Variants in PACC1 observed in about 807,000 individuals in gnomAD.
The protein encoded by PACC1 is proton activated chloride channel 1, also known as proton-activated chloride channel.
In PACC1, 34 loss-of-function variants were observed where a neutral mutation model predicts 39.7. The ratio of observed to expected loss-of-function variants is 0.86; its 90% CI spans 0.65 to 1.14. The LOEUF (loss-of-function observed/expected upper bound fraction) is 1.14, where lower values mean the gene tolerates loss of function less well. Ranked by LOEUF, PACC1 falls within the 50% of genes most tolerant of loss-of-function variation. The pLI is 0.00. For synonymous variants in PACC1, 127 were observed against 160.6 expected (o/e 0.79, Z 1.58); for missense variants, 379 against 436.4 (o/e 0.87, Z 1.17).
At chr1:212,396,907 G>GC (rs1208397462) in intron 2 of PACC1, among the ~76,000 whole-genome samples, 2 of 151,688 alleles carry the variant, frequency 1.3e-5, no homozygotes, top group Non-Finnish European at 2.9e-5. Context: ...AACAATGGAG[G>GC]CCAGAAGACA....
intron 7 of PACC1, among the ~76,000 whole-genome samples, chr1:212,374,505 A>G (rs1298921396): frequency 1.3e-5 from 2 of 152,214 alleles, no homozygotes; most frequent in African/African-American, 2.4e-5. Flanking sequence ...TAGAGCAATT[A>G]TAGTTAACAA....
At chr1:212,385,151 G>C in intron 4 of PACC1, 123 bp downstream of exon 4, 1 of 1,125,242 alleles carries the variant, frequency 8.9e-7, no homozygotes, top group Non-Finnish European at 1.3e-6. Context: ...TGTCTCCTTG[G>C]GGACTAAGGC....
chr1:212,367,426 C>G (rs1446832467), intron 7 of PACC1, among the ~76,000 whole-genome samples: 1 of 152,200 alleles, frequency 6.6e-6, no homozygotes, highest in East Asian at 1.9e-4. Context: ...AGGCAGAATT[C>G]TGAGGCCCTG....
At chr1:212,382,044 G>A (rs1456415429) in intron 4 of PACC1, among the ~76,000 whole-genome samples, 1 of 147,034 alleles carries the variant, frequency 6.8e-6, no homozygotes, top group Admixed American at 6.7e-5. Context: ...GAGTGTTCTT[G>A]TTTTTTTTTT....
rs1408308790 is a variant in PACC1, at chr1:212,383,357, G to A, written c.495+1917C>T. ...ATACACTTCAACTGGGGGAGGAGAG[G>A]AGGGCATCCAGAGAATAGGCACCTA... On this transcript the variant is annotated intron_variant, in intron 4 of 7. Coordinates refer to ENST00000261455, the MANE Select transcript of PACC1 (RefSeq NM_018252.3). 3.9e-5 allele frequency among the ~76,000 whole-genome samples: 6 copies of A among 152,296 alleles called. No homozygotes were observed. The East Asian group carries it at 1.2e-3, about 29-fold the overall frequency.
At chr1:212,395,300 G>C (rs1661470978) in intron 2 of PACC1, among the ~76,000 whole-genome samples, 1 of 152,148 alleles carries the variant, frequency 6.6e-6, no homozygotes, top group African/African-American at 2.4e-5. Flanking sequence ...ACAACTATCT[G>C]ATCTTTGACA....
At chr1:212,392,457 C>T (rs796200844) in intron 2 of PACC1, among the ~76,000 whole-genome samples, 12 of 152,226 alleles carry the variant, frequency 7.9e-5, no homozygotes, top group East Asian at 3.9e-4. Flanking sequence ...AACATGGAAA[C>T]GAACAACTGG....
chr1:212,392,352 G>A (rs1192424037), intron 2 of PACC1, among the ~76,000 whole-genome samples: 6 of 152,280 alleles, frequency 3.9e-5, no homozygotes, highest in Admixed American at 2.6e-4. Context: ...AGCTTCATAA[G>A]TGAAGGAGAA....
At chr1:212,401,933 C>T (rs900675951) in intron 2 of PACC1, among the ~76,000 whole-genome samples, 1 of 152,238 alleles carries the variant, frequency 6.6e-6, no homozygotes, top group East Asian at 1.9e-4. Flanking sequence ...CCTTGGCCTC[C>T]CAAAGTGCTG....
intron 7 of PACC1, among the ~76,000 whole-genome samples, chr1:212,374,205 A>ATG (rs919199481): frequency 5.9e-5 from 9 of 152,230 alleles, no homozygotes; most frequent in African/African-American, 1.9e-4. Flanking sequence ...GTATATATAT[A>ATG]TATAAAACAC....
chr1:212,410,423 AC>A lies in PACC1; in HGVS notation c.133+1del, dbSNP rs1272242664. 1 of 1,613,922 alleles carries A rather than the reference AC, an allele frequency of 6.2e-7. No individual in the cohort carries two copies. Among genetic ancestry groups the A allele is most frequent in the Non-Finnish European group, 8.5e-7 (1 of 1,179,816 alleles). On this transcript the variant is annotated splice_donor_variant, in intron 2 of 7. Transcript: ENST00000261455. LOFTEE classifies it high-confidence loss of function. ...GCACAGCAAAGCACCAAACGCACTC[AC>A]CTGGTAAGATACCCGGACCTTGGAC...
chr1:212,390,598 GA>G (rs1216798865), intron 2 of PACC1, among the ~76,000 whole-genome samples: 5 of 151,990 alleles, frequency 3.3e-5, no homozygotes, highest in Non-Finnish European at 5.9e-5. Context: ...GTGGGTGCAG[GA>G]CAGTGGGTGC....
rs1332271349 is a variant in PACC1 at position 212,379,936 on chromosome 1, A to C, written c.597T>G (p.Ile199Met). ...GGAAAGAAGAGAAGAGGAGGTAATCAATGGCGCTGAAGTCCTCACTACTCT... is the reference window on the plus strand; with the variant it reads ...GGAAAGAAGAGAAGAGGAGGTAATCCATGGCGCTGAAGTCCTCACTACTCT... ...LNKSSEDFSA[I>M]DYLLFSSFQE... Residue 199 changes from isoleucine (I) to methionine (M), a missense_variant, in exon 5 of 8, where the codon ATT becomes ATG. By Grantham distance (10) the Ile-to-Met change is conservative. Coordinates refer to ENST00000261455, the MANE Select transcript of PACC1 (RefSeq NM_018252.3). The C allele has an allele frequency of 6.8e-6, 11 of 1,614,210 alleles. No homozygotes were observed. Among genetic ancestry groups the C allele is most frequent in the Non-Finnish European group, 5.1e-6 (6 of 1,180,028 alleles).
chr1:212,390,915 G>C (rs1438338253), intron 2 of PACC1, among the ~76,000 whole-genome samples: 2 of 152,240 alleles, frequency 1.3e-5, no homozygotes, highest in Non-Finnish European at 2.9e-5. Context: ...CCATGGCTGA[G>C]GCTTGAGTAG....
chr1:212,411,338 C>T (rs1662121539), intron 1 of PACC1, among the ~76,000 whole-genome samples: 1 of 152,128 alleles, frequency 6.6e-6, no homozygotes, highest in South Asian at 2.1e-4. Context: ...CTCTCTGGCA[C>T]TCTGGCTGAA....
At chr1:212,390,649 C>T (rs1661283083) in intron 2 of PACC1, among the ~76,000 whole-genome samples, 1 of 151,604 alleles carries the variant, frequency 6.6e-6, no homozygotes, top group South Asian at 2.1e-4. Context: ...GAGGCATCGC[C>T]TCACCCGGGA....
At chr1:212,410,358 T>A in intron 2 of PACC1, 67 bp downstream of exon 2, 1 of 1,457,716 alleles carries the variant, frequency 6.9e-7, no homozygotes, top group Non-Finnish European at 9.6e-7. Flanking sequence ...CTCCCACAGT[T>A]GGCAAGGCGC....
chr1:212,385,228 C>T (rs1316073857), intron 4 of PACC1, 46 bp downstream of exon 4: 2 of 1,611,176 alleles, frequency 1.2e-6, no homozygotes, highest in East Asian at 2.2e-5. Context: ...GGTTGCGGGG[C>T]TAACAGAGCA....
intron 2 of PACC1, among the ~76,000 whole-genome samples, chr1:212,408,801 T>C (rs763085662): frequency 6.6e-6 from 1 of 152,234 alleles, no homozygotes; most frequent in Non-Finnish European, 1.5e-5. Flanking sequence ...CAAATCTTTA[T>C]GGCGTGGTCA....
Sources: allele counts gnomAD v4.1 joint callset (sites outside exome capture counted in the v4.1 genomes callset), GRCh38; gene constraint gnomAD v4.1.1; transcripts MANE v1.5; gene names NCBI Gene and HGNC (gene_info 2026-07-23, HGNC 2026-07-21).